Variants in LRMDA observed in about 807,000 individuals in gnomAD.
LRMDA encodes leucine-rich melanocyte differentiation-associated protein.
Under a neutral mutation model 29.8 loss-of-function variants are expected in LRMDA, and 18 were observed. The ratio of observed to expected loss-of-function variants is 0.60; its 90% CI spans 0.42 to 0.90. LRMDA has a LOEUF of 0.90. LRMDA is among the 40% of genes least tolerant of loss of function. The probability of loss-of-function intolerance (pLI) is 0.00; values close to 1 mark genes in which losing one functional copy is unlikely to be tolerated. For synonymous variants in LRMDA, 125 were observed against 109.4 expected (o/e 1.14, Z -0.89); for missense variants, 273 against 273.9 (o/e 1.00, Z 0.02).
chr10:76,418,792 A>G (rs1013825502), intron 6 of LRMDA, among the ~76,000 whole-genome samples: 1 of 152,078 alleles, frequency 6.6e-6, no homozygotes, highest in Non-Finnish European at 1.5e-5. Context: ...TTTTGTTATG[A>G]GTTTTCAACA....
chr10:75,552,464 C>T (rs1322240988), intron 2 of LRMDA: 1 of 356,566 alleles, frequency 2.8e-6, no homozygotes, highest in South Asian at 2.1e-5. Context: ...TCACTGTATC[C>T]TTGGTTTTTA....
chr10:75,533,616 G>T (rs964405817), intron 2 of LRMDA, among the ~76,000 whole-genome samples: 2 of 152,176 alleles, frequency 1.3e-5, no homozygotes, highest in African/African-American at 4.8e-5. Context: ...CTCTTGATGT[G>T]CAAGAGGACA....
intron 2 of LRMDA, among the ~76,000 whole-genome samples, chr10:75,879,174 GGT>G (rs1374730998): frequency 1.3e-5 from 2 of 152,184 alleles, no homozygotes; most frequent in African/African-American, 2.4e-5. Context: ...AGTGATGCAG[GGT>G]GGTGGCGGCG....
In LRMDA at chr10:76,314,241, G is replaced by C. The variant is rs769399749; in HGVS notation, c.517-10160G>C. On this transcript the variant is annotated intron_variant, in intron 5 of 6. Coordinates refer to ENST00000611255, the MANE Select transcript of LRMDA (RefSeq NM_001305581.2). ...GGCTACGACACAACATCCTTTTTTT[G>C]TTGTTGTTTTTAAGAAATGGAATTT... Among the ~76,000 whole-genome samples the C allele has an allele frequency of 3.3e-5, 5 of 152,052 alleles. No homozygotes were observed. The East Asian group carries it at 9.7e-4, about 29-fold the overall frequency.
intron 5 of LRMDA, among the ~76,000 whole-genome samples, chr10:76,145,713 T>G (rs1850303246): frequency 6.6e-6 from 1 of 152,110 alleles, no homozygotes; most frequent in Admixed American, 6.6e-5. Flanking sequence ...TGATCTTAGT[T>G]ATTTCTTGCC....
At chr10:76,286,848 A>G (rs1290168474) in intron 5 of LRMDA, among the ~76,000 whole-genome samples, 9 of 152,154 alleles carry the variant, frequency 5.9e-5, no homozygotes, top group African/African-American at 1.2e-4. Context: ...TGTTTCTCCA[A>G]ATCCTAGCTT....
chr10:75,852,441 G>A (rs1564586427), intron 2 of LRMDA, among the ~76,000 whole-genome samples: 1 of 151,884 alleles, frequency 6.6e-6, no homozygotes, highest in African/African-American at 2.4e-5. Context: ...TGGATGGTAG[G>A]AAATGTTGTA....
intron 1 of LRMDA, among the ~76,000 whole-genome samples, chr10:75,436,536 C>T (rs539708301): frequency 8.6e-5 from 13 of 151,598 alleles, no homozygotes; most frequent in Admixed American, 2.0e-4. Flanking sequence ...GGTGCAATCT[C>T]GGCTCACTGC....
At chr10:75,931,876 C>T (rs906883216) in intron 2 of LRMDA, among the ~76,000 whole-genome samples, 19 of 152,272 alleles carry the variant, frequency 1.2e-4, no homozygotes, top group African/African-American at 4.6e-4. Flanking sequence ...ACATTAGGAT[C>T]AACCCAAACC....
chr10:76,161,291 T>C (rs1271977696), intron 5 of LRMDA, among the ~76,000 whole-genome samples: 1 of 152,192 alleles, frequency 6.6e-6, no homozygotes, highest in African/African-American at 2.4e-5. Context: ...TGGTTCCTAA[T>C]GAATTTCAAC....
chr10:75,644,977 CTTAT>C (rs1841498047), intron 2 of LRMDA, among the ~76,000 whole-genome samples: 2 of 132,142 alleles, frequency 1.5e-5, no homozygotes, highest in South Asian at 5.4e-4. Context: ...CTCTGTGTTA[CTTAT>C]TTTACTCTTT....
chr10:76,316,337 A>G (rs1840698283), intron 5 of LRMDA, among the ~76,000 whole-genome samples: 1 of 152,080 alleles, frequency 6.6e-6, no homozygotes, highest in African/African-American at 2.4e-5. Flanking sequence ...GCCAGCGCCT[A>G]TACTGGCACT....
intron 2 of LRMDA, among the ~76,000 whole-genome samples, chr10:75,655,404 T>C (rs1284645960): frequency 1.3e-5 from 2 of 152,276 alleles, no homozygotes; most frequent in Admixed American, 6.5e-5. Flanking sequence ...CCTGTTGGGA[T>C]TGCCAGTTCC....
At chr10:76,009,175 A>G (rs917902089) in intron 2 of LRMDA, among the ~76,000 whole-genome samples, 1 of 152,092 alleles carries the variant, frequency 6.6e-6, no homozygotes, top group African/African-American at 2.4e-5. Flanking sequence ...ATTCTCAACA[A>G]TGTCAGAGCT....
intron 2 of LRMDA, among the ~76,000 whole-genome samples, chr10:75,677,594 A>C (rs181622547): frequency 1.2e-3 from 178 of 152,308 alleles, no homozygotes; most frequent in African/African-American, 4.0e-3. Flanking sequence ...TTTTATATGC[A>C]AAAAATGATC....
In LRMDA at chr10:76,173,199, C is replaced by T. The variant is rs117560047; in HGVS notation, c.516+114416C>T. On this transcript the variant is annotated intron_variant, in intron 5 of 6. Coordinates refer to ENST00000611255, the MANE Select transcript of LRMDA (RefSeq NM_001305581.2). ...AAAAGATTAGTGAACCTGAAACTAT[C>T]GCAATAGAAATCATTCAGAATGAAT... Among the ~76,000 whole-genome samples, 1,008 of 152,024 alleles carry T rather than the reference C, an allele frequency of 6.6e-3. 5 individuals are homozygous for T. The highest frequency in any genetic ancestry group is 0.011 in the Admixed American group (172 of 15,286).
At chr10:75,866,791 G>T (rs563925982) in intron 2 of LRMDA, among the ~76,000 whole-genome samples, 19 of 152,272 alleles carry the variant, frequency 1.2e-4, no homozygotes, top group African/African-American at 4.1e-4. Context: ...GAGAAAGCCA[G>T]CCCACATGTC....
chr10:75,650,037 G>A (rs900941837), intron 2 of LRMDA, among the ~76,000 whole-genome samples: 6 of 152,116 alleles, frequency 3.9e-5, no homozygotes, highest in African/African-American at 1.2e-4. Flanking sequence ...TCAGATATGT[G>A]ATTTGCAAAT....
At chr10:76,349,069 T>C (rs1049001645) in intron 6 of LRMDA, among the ~76,000 whole-genome samples, 2 of 152,182 alleles carry the variant, frequency 1.3e-5, no homozygotes, top group African/African-American at 4.8e-5. Flanking sequence ...TTTTCTGGCA[T>C]GAGTGTCTTT....
Sources: gnomAD v4.1 joint callset for allele counts (sites outside exome capture counted in the v4.1 genomes callset) on GRCh38, gnomAD v4.1.1 for gene constraint, MANE v1.5 for transcripts, NCBI Gene and HGNC (gene_info 2026-07-23, HGNC 2026-07-21) for gene names.